The following ENOSF1 variants were observed in gnomAD, a reference collection of about 807,000 sequenced individuals.
ENOSF1 encodes enolase superfamily member 1.
In ENOSF1, 73 loss-of-function variants were observed where a neutral mutation model predicts 68.2. The ratio of observed to expected loss-of-function variants is 1.07; its 90% CI spans 0.89 to 1.30. The LOEUF (loss-of-function observed/expected upper bound fraction) is 1.30, where lower values mean the gene tolerates loss of function less well. ENOSF1 is among the 50% of genes most tolerant of loss of function. The probability of loss-of-function intolerance (pLI) is 0.00; values close to 1 mark genes in which losing one functional copy is unlikely to be tolerated. For synonymous variants in ENOSF1, 223 were observed against 210.4 expected, an observed-to-expected ratio of 1.06 and a Z score of -0.52; for missense variants, 589 against 554.5, an observed-to-expected ratio of 1.06 and a Z score of -0.62.
At chr18:698,156 T>A (rs888831043) in intron 2 of ENOSF1, among the ~76,000 whole-genome samples, 2 of 152,232 alleles carry the variant, frequency 1.3e-5, no homozygotes, top group African/African-American at 4.8e-5. Context: ...TTAATCCATA[T>A]ACTGAGCTAA....
chr18:667,781 C>A (rs1247721062), downstream of ENOSF1: 4 of 152,150 alleles, frequency 2.6e-5, no homozygotes, highest in African/African-American at 9.7e-5. Flanking sequence ...GTTGCCTGCA[C>A]CTCAGTTGTA....
In ENOSF1 at chr18:673,281, T is replaced by G; in HGVS notation, c.*1024A>C. On this transcript the variant is annotated 3_prime_UTR_variant, in exon 16 of 16. Transcript: ENST00000647584. ...TGTATGTGCTCTTAGCAAAAACATG[T>G]ATGTGCATTTCAATCCCACGTACTT... The G allele has an allele frequency of 3.6e-6, 1 of 276,050 alleles. No homozygotes were observed. The highest frequency in any genetic ancestry group is 6.8e-6 in the Non-Finnish European group (1 of 146,412). The allele number at this position is 276,050 out of a possible 1,614,324, so 17.1% of individuals were successfully genotyped here. A position where few individuals can be genotyped will look rare whatever the true frequency, so the allele number is the denominator to read the frequency against.
chr18:688,364 T>C, intron 9 of ENOSF1: 1 of 563,862 alleles, frequency 1.8e-6, no homozygotes, highest in Non-Finnish European at 3.1e-6. Context: ...CTCTTTCAAC[T>C]CTGATGGCCT....
chr18:702,264 CAAAAAAAAAA>C (rs71174275), intron 2 of ENOSF1, among the ~76,000 whole-genome samples: 1 of 65,774 alleles, frequency 1.5e-5, no homozygotes, highest in Non-Finnish European at 2.7e-5. Flanking sequence ...AACTACATCT[CAAAAAAAAAA>C]AAAAAAAAAA....
downstream of ENOSF1, chr18:669,357 G>C (rs554205011): frequency 1.7e-4 from 80 of 471,216 alleles, no homozygotes; most frequent in African/African-American, 1.5e-3. Flanking sequence ...ATGAGGTTGG[G>C]CCCAGAGGAT....
chr18:673,279 T>A lies in ENOSF1; in HGVS notation c.*1026A>T. The A allele has an allele frequency of 3.6e-6, 1 of 278,536 alleles. No individual in the cohort carries two copies. The highest frequency in any genetic ancestry group is 6.7e-6 in the Non-Finnish European group (1 of 148,160). The allele number at this position is 278,536 out of a possible 1,614,324, so 17.3% of individuals were successfully genotyped here. A position where few individuals can be genotyped will look rare whatever the true frequency, so the allele number is the denominator to read the frequency against. ...AATGTATGTGCTCTTAGCAAAAACA[T>A]GTATGTGCATTTCAATCCCACGTAC... On this transcript the variant is annotated 3_prime_UTR_variant, in exon 16 of 16. Transcript: ENST00000647584.
At chr18:669,026 T>G, downstream of ENOSF1, 1 of 1,505,332 alleles carries the variant, frequency 6.6e-7, no homozygotes, top group Non-Finnish European at 9.2e-7. Flanking sequence ...TCATGACATG[T>G]GTGATTAATG....
At position 690,613 on chromosome 18, in the gene ENOSF1, T is replaced by C. The variant is rs766467725; in HGVS notation, c.554A>G (p.Gln185Arg). 39 of 1,613,864 alleles carry C rather than the reference T, an allele frequency of 2.4e-5. No homozygotes were observed. The African/African-American group carries it at 3.2e-4, about 13-fold the overall frequency. ...CGATGTCGTGTAAGCAGGGTATCCT[T>C]GTGCCAGCATTTGCTTCTCTGTGAA... is the stretch of plus-strand genomic sequence containing the variant. ...KKEREKQMLA[Q>R]GYPAYTTSCA... Residue 185 changes from glutamine (Q) to arginine (R), a missense_variant, in exon 8 of 16, where the codon CAA becomes CGA. Gln to Arg is a conservative substitution (Grantham distance 43, BLOSUM62 1). Transcript: ENST00000647584.
At chr18:709,645 C>A (rs549135497) in intron 1 of ENOSF1, among the ~76,000 whole-genome samples, 1 of 151,960 alleles carries the variant, frequency 6.6e-6, no homozygotes, top group Non-Finnish European at 1.5e-5. Flanking sequence ...GTGGTGCACA[C>A]CTGTAATCAC....
At chr18:683,919 A>G (rs540157378) in intron 10 of ENOSF1, among the ~76,000 whole-genome samples, 45 of 152,066 alleles carry the variant, frequency 3.0e-4, no homozygotes, top group African/African-American at 9.6e-4. Context: ...AATATTTATA[A>G]TAACTGGCCA....
chr18:675,285 C>T (rs768869088), intron 15 of ENOSF1, 36 bp downstream of exon 15: 1 of 1,544,230 alleles, frequency 6.5e-7, no homozygotes, highest in Non-Finnish European at 8.9e-7. Context: ...TGGCTGGCAG[C>T]ATCTCTTCTA....
At chr18:690,443 C>G (rs1344357271) in intron 8 of ENOSF1, 106 bp downstream of exon 8, 3 of 1,254,672 alleles carry the variant, frequency 2.4e-6, no homozygotes, top group Non-Finnish European at 2.3e-6. Context: ...CCACACACAT[C>G]TGGTGTCAGA....
the ENOSF1 span, among the ~76,000 whole-genome samples, chr18:664,966 G>C: frequency 6.7e-6 from 1 of 149,046 alleles, no homozygotes; most frequent in Admixed American, 6.7e-5. Flanking sequence ...CAAGGATATT[G>C]GTCTAAAATT....
chr18:679,132 T>C (rs1318262630), intron 11 of ENOSF1, among the ~76,000 whole-genome samples: 1 of 152,028 alleles, frequency 6.6e-6, no homozygotes, highest in Admixed American at 6.5e-5. Context: ...GGACGACTCC[T>C]TCCTGTGGGT....
chr18:710,793 T>C (rs1031819202), intron 1 of ENOSF1, among the ~76,000 whole-genome samples: 1 of 152,214 alleles, frequency 6.6e-6, no homozygotes, highest in Non-Finnish European at 1.5e-5. Context: ...TTAGAAAGAT[T>C]GTGTGACTTA....
In ENOSF1 at chr18:693,027, G is replaced by A. The variant is rs372739270; in HGVS notation, c.423+855C>T. On this transcript the variant is annotated intron_variant, in intron 5 of 15. Transcript: ENST00000647584. ...ACCCAGGTGTTGCACTGAGGCCACCGCAGCTCAGAGTGGGGAAGTCACATG... is the reference window on the plus strand; with the variant it reads ...ACCCAGGTGTTGCACTGAGGCCACCACAGCTCAGAGTGGGGAAGTCACATG... 178 of 1,251,650 alleles carry A rather than the reference G, an allele frequency of 1.4e-4. 6 individuals carry two copies. In the South Asian group the frequency reaches 2.1e-3, roughly 15 times the overall value. The allele number at this position is 1,251,650 out of a possible 1,614,324, so 77.5% of individuals were successfully genotyped here.
At chr18:663,983 T>G in the ENOSF1 span, among the ~76,000 whole-genome samples, 59 of 98,980 alleles carry the variant, frequency 6.0e-4, no homozygotes, top group South Asian at 6.4e-4. Flanking sequence ...TGGCTTAGGA[T>G]TGACTTGGCG....
intron 3 of ENOSF1, among the ~76,000 whole-genome samples, chr18:694,876 T>G (rs2077564558): frequency 6.7e-6 from 1 of 150,276 alleles, no homozygotes; most frequent in African/African-American, 2.5e-5. Context: ...CATATGTACT[T>G]CTTTTTTCTG....
chr18:707,103 G>A (rs1333728375), intron 1 of ENOSF1, among the ~76,000 whole-genome samples: 1 of 152,128 alleles, frequency 6.6e-6, no homozygotes, highest in East Asian at 1.9e-4. Context: ...ACAAGTGTGA[G>A]CCACCGCACC....
Sources: allele counts gnomAD v4.1 joint callset (sites outside exome capture counted in the v4.1 genomes callset), GRCh38; gene constraint gnomAD v4.1.1; transcripts MANE v1.5; gene names NCBI Gene and HGNC (gene_info 2026-07-23, HGNC 2026-07-21).